The following NPSR1 variants were observed in gnomAD, a reference collection of about 807,000 sequenced individuals.
NPSR1 encodes neuropeptide S receptor 1, also known as neuropeptide S receptor.
A neutral mutation model predicts 46.9 loss-of-function variants in NPSR1; 48 were observed. The observed-to-expected ratio is 1.02, with a 90% CI of 0.81 to 1.30. The LOEUF is 1.30. Among genes scored for constraint, NPSR1 ranks in the 50% most tolerant of loss-of-function variants. The pLI, the probability that NPSR1 is intolerant of heterozygous loss-of-function variation, is 0.00. For synonymous variants in NPSR1, 176 were observed against 168.1 expected (o/e 1.05, Z -0.36); for missense variants, 450 against 449.5 (o/e 1.00, Z -0.01).
intron 6 of NPSR1, among the ~76,000 whole-genome samples, chr7:34,842,274 G>A (rs1180180653): frequency 1.3e-5 from 2 of 152,288 alleles, no homozygotes; most frequent in East Asian, 3.9e-4. Context: ...TGGTAGAGAC[G>A]GAGGATGCAT....
chr7:34,766,576 T>A (rs931619110), intron 2 of NPSR1, among the ~76,000 whole-genome samples: 1 of 149,128 alleles, frequency 6.7e-6, no homozygotes, highest in African/African-American at 2.4e-5. Flanking sequence ...TATGATGAAT[T>A]ATTTTTTTTT....
At chr7:34,765,691 T>C (rs995318301) in intron 2 of NPSR1, among the ~76,000 whole-genome samples, 2 of 152,216 alleles carry the variant, frequency 1.3e-5, no homozygotes, top group African/African-American at 2.4e-5. Context: ...AATCAATGGA[T>C]TGGATTAAAA....
intron 8 of NPSR1, among the ~76,000 whole-genome samples, chr7:34,867,410 T>C (rs1272220794): frequency 6.6e-6 from 1 of 151,824 alleles, no homozygotes; most frequent in Non-Finnish European, 1.5e-5. Flanking sequence ...TGTTTCTATC[T>C]TCAGTAAAGG....
At chr7:34,660,603 C>T (rs1791407529) in intron 1 of NPSR1, among the ~76,000 whole-genome samples, 2 of 152,126 alleles carry the variant, frequency 1.3e-5, no homozygotes, top group East Asian at 3.9e-4. Flanking sequence ...AAAATAGCAG[C>T]AGCAGTAAAA....
At chr7:34,840,049 G>A (rs1271875184) in intron 6 of NPSR1, among the ~76,000 whole-genome samples, 1 of 152,012 alleles carries the variant, frequency 6.6e-6, no homozygotes, top group Non-Finnish European at 1.5e-5. Flanking sequence ...CTTGAGCTGA[G>A]GTGCTGAGGT....
chr7:34,756,338 A>T (rs923513649), intron 2 of NPSR1, among the ~76,000 whole-genome samples: 6 of 152,240 alleles, frequency 3.9e-5, no homozygotes, highest in Admixed American at 6.5e-5. Flanking sequence ...TGCAACCTAC[A>T]TGGCAGTTTA....
rs138867734 is a variant in NPSR1 at position 34,664,011 on chromosome 7, C to T, written c.147+5452C>T. ...ATGCTTGACAATGTCATTCTGCCAT[C>T]CTTCAAATAATTTCCTGTTGATGAA... On this transcript the variant is annotated intron_variant, in intron 1 of 8. Transcript: ENST00000360581. 3.0e-4 allele frequency among the ~76,000 whole-genome samples: 46 copies of T among 152,316 alleles called. No homozygotes were observed. The East Asian group carries it at 8.1e-3, about 27-fold the overall frequency.
chr7:34,696,084 A>T (rs1428093074), intron 2 of NPSR1, among the ~76,000 whole-genome samples: 2 of 151,574 alleles, frequency 1.3e-5, no homozygotes, highest in African/African-American at 4.8e-5. Flanking sequence ...TTGATAAAAA[A>T]AAAAAAAAAA....
chr7:34,796,199 T>C (rs1788163078), intron 3 of NPSR1, among the ~76,000 whole-genome samples: 1 of 152,068 alleles, frequency 6.6e-6, no homozygotes, highest in African/African-American at 2.4e-5. Context: ...ACACGCCTAA[T>C]AATAAATCTA....
rs532597276 is a variant in NPSR1, at chr7:34,799,584, A to G, written c.385-12186A>G. ...GAAGGAAGCACTAAACATGCAAAGG[A>G]ACAACCGGTACCAGCCACTGCAAAA... On this transcript the variant is annotated intron_variant, in intron 3 of 8. Coordinates refer to ENST00000360581, the MANE Select transcript of NPSR1 (RefSeq NM_207172.2). Among the ~76,000 whole-genome samples, 7 of 150,852 alleles carry G rather than the reference A, an allele frequency of 4.6e-5. No individual in the cohort carries two copies. The South Asian group carries it at 1.5e-3, about 32-fold the overall frequency.
chr7:34,668,186 G>A (rs1038166775), intron 1 of NPSR1, among the ~76,000 whole-genome samples: 1 of 152,046 alleles, frequency 6.6e-6, no homozygotes, highest in Non-Finnish European at 1.5e-5. Context: ...GATATTGAAC[G>A]AAGGTGTTCA....
intron 2 of NPSR1, among the ~76,000 whole-genome samples, chr7:34,760,203 G>A (rs746072445): frequency 2.6e-5 from 4 of 152,212 alleles, no homozygotes; most frequent in African/African-American, 9.7e-5. Context: ...ATTCTAGCAA[G>A]TTGGCAAGGA....
Position 34,658,479 on chromosome 7 carries a change from C to T in NPSR1, c.67C>T (p.Pro23Ser), listed in dbSNP as rs1236178930. The change falls in exon 1 of 9, where the codon CCA (proline) becomes TCA (serine). Residue 23 changes from proline (P) to serine (S), a missense_variant. Pro to Ser is a moderately conservative substitution (Grantham distance 74). Transcript: ENST00000360581. Reference sequence around the variant, plus strand: ...GACCGGGCAGACGCTGGATTCTTCCCCAGTGGCTTGCACTGAAACAGTGAC... The same window carrying T: ...GACCGGGCAGACGCTGGATTCTTCCTCAGTGGCTTGCACTGAAACAGTGAC... ...SGTGQTLDSS[P>S]VACTETVTFT... The T allele has an allele frequency of 6.2e-7, 1 of 1,614,148 alleles. No homozygotes were observed. The highest frequency in any genetic ancestry group is 1.1e-5 in the South Asian group (1 of 91,086).
chr7:34,854,595 T>G (rs1469076780), downstream of NPSR1, among the ~76,000 whole-genome samples: 1 of 152,238 alleles, frequency 6.6e-6, no homozygotes, highest in Non-Finnish European at 1.5e-5. Flanking sequence ...ATAAAGATTT[T>G]AGTTTAATAA....
Position 34,820,029 on chromosome 7 carries a change from C to T in NPSR1, c.479-7372C>T, listed in dbSNP as rs145292659. On this transcript the variant is annotated intron_variant, in intron 4 of 8. Transcript: ENST00000360581. ...GGCACATGTATACCTATGTATCCAACCTGCACATTGTTCACATGTACAATG... is the reference window on the plus strand; with the variant it reads ...GGCACATGTATACCTATGTATCCAATCTGCACATTGTTCACATGTACAATG... Among the ~76,000 whole-genome samples, 532 of 152,216 alleles carry T rather than the reference C, an allele frequency of 3.5e-3. 5 individuals carry two copies. The highest frequency in any genetic ancestry group is 9.7e-3 in the South Asian group (47 of 4,824).
intron 4 of NPSR1, among the ~76,000 whole-genome samples, chr7:34,818,607 C>A (rs1207831112): frequency 6.6e-6 from 1 of 152,166 alleles, no homozygotes; most frequent in African/African-American, 2.4e-5. Context: ...GCCTGCATTG[C>A]CAAGACAATC....
At chr7:34,839,015 A>G (rs1461358318) in intron 6 of NPSR1, among the ~76,000 whole-genome samples, 1 of 152,242 alleles carries the variant, frequency 6.6e-6, no homozygotes. Context: ...GAGTGAAGAA[A>G]AAAAGCTATG....
chr7:34,725,357 G>A (rs77552845), intron 2 of NPSR1, among the ~76,000 whole-genome samples: 3,060 of 152,284 alleles, frequency 0.02, 46 homozygotes, highest in Non-Finnish European at 0.033. Flanking sequence ...CCCATCAACT[G>A]TCCCAAATCC....
At chr7:34,845,075 G>A (rs963860939) in intron 7 of NPSR1, 93 bp downstream of exon 7, 1 of 829,808 alleles carries the variant, frequency 1.2e-6, no homozygotes, top group South Asian at 1.3e-5. Flanking sequence ...GAATTTGCCA[G>A]CAGGCACTTC....
Sources: gnomAD v4.1 joint callset for allele counts (sites outside exome capture counted in the v4.1 genomes callset) on GRCh38, gnomAD v4.1.1 for gene constraint, MANE v1.5 for transcripts, NCBI Gene and HGNC (gene_info 2026-07-23, HGNC 2026-07-21) for gene names.